The following C1GALT1 variants were observed in gnomAD, a reference collection of about 807,000 sequenced individuals.
C1GALT1 encodes glycoprotein-N-acetylgalactosamine 3-beta-galactosyltransferase 1.
Under a neutral mutation model 31.0 loss-of-function variants are expected in C1GALT1, and 11 were observed. The ratio of observed to expected loss-of-function variants is 0.36; its 90% CI spans 0.22 to 0.59. The LOEUF (loss-of-function observed/expected upper bound fraction) is 0.59. Among genes scored for constraint, C1GALT1 ranks in the 20% least tolerant of loss-of-function variants. The probability of loss-of-function intolerance (pLI) is 0.79; values close to 1 mark genes in which losing one functional copy is unlikely to be tolerated. For missense variants in C1GALT1, 424 were observed against 425.2 expected, an observed-to-expected ratio of 1.00 and a Z score of 0.03; for synonymous variants, 175 against 143.6, an observed-to-expected ratio of 1.22 and a Z score of -1.56.
chr7:7,202,839 G>A (rs1277746813), intron 1 of C1GALT1, among the ~76,000 whole-genome samples: 1 of 152,086 alleles, frequency 6.6e-6, no homozygotes, highest in Non-Finnish European at 1.5e-5. Flanking sequence ...ACAATATTAA[G>A]TTTTCTAATT....
chr7:7,231,789 CAAA>C (rs758639561), intron 1 of C1GALT1, among the ~76,000 whole-genome samples: 1 of 139,374 alleles, frequency 7.2e-6, no homozygotes, highest in Non-Finnish European at 1.6e-5. Flanking sequence ...TGTTGTATAC[CAAA>C]AAAAAAAAAG....
At chr7:7,213,795 A>G (rs1782112931) in intron 1 of C1GALT1, among the ~76,000 whole-genome samples, 1 of 152,218 alleles carries the variant, frequency 6.6e-6, no homozygotes, top group African/African-American at 2.4e-5. Context: ...CAAACCTTTT[A>G]TAACCTTTTT....
Position 7,238,405 on chromosome 7 carries a change from A to G in C1GALT1, c.371A>G (p.Glu124Gly). Residue 124 changes from glutamate to glycine, a missense_variant, in exon 3 of 4, where the codon GAA becomes GGA. Physicochemically the swap from Glu to Gly is moderately conservative, Grantham distance 98 (BLOSUM62 -2). Coordinates refer to ENST00000436587, the MANE Select transcript of C1GALT1 (RefSeq NM_020156.5). This position sits in a 1 kb window ranked among gnomAD's most constrained non-coding sequence, Gnocchi z 5.2. Reference protein sequence around the residue: ...RCNKVLFMSSEENKDFPAVGL... With the variant: ...RCNKVLFMSSGENKDFPAVGL... ...AACAAAGTGTTGTTTATGAGTTCAG[A>G]AGAAAATAAAGACTTCCCTGCTGTG... 1 of 1,614,098 alleles carries G rather than the reference A, an allele frequency of 6.2e-7. No homozygotes were observed. Among genetic ancestry groups the G allele is most frequent in the East Asian group, 2.2e-5 (1 of 44,868 alleles).
At chr7:7,200,424 T>A (rs998660928) in intron 1 of C1GALT1, among the ~76,000 whole-genome samples, 2 of 152,240 alleles carry the variant, frequency 1.3e-5, no homozygotes, top group African/African-American at 4.8e-5. Context: ...TTAGTCTGAT[T>A]GGCTTCCCTT....
At chr7:7,194,088 G>C (rs918225333) in intron 1 of C1GALT1, among the ~76,000 whole-genome samples, 2 of 151,952 alleles carry the variant, frequency 1.3e-5, no homozygotes, top group African/African-American at 4.8e-5. Flanking sequence ...AATCTTTAGG[G>C]TTTTCTTGGT....
intron 2 of C1GALT1, among the ~76,000 whole-genome samples, chr7:7,161,334 G>T (rs1780331739): frequency 6.6e-6 from 1 of 152,046 alleles, no homozygotes; most frequent in African/African-American, 2.4e-5. Flanking sequence ...TTACTTTAAA[G>T]GTAATTGCCC....
At position 7,159,172 on chromosome 7, in the gene C1GALT1, TTGTA is replaced by T. The variant is rs3062387; in HGVS notation, c.-18+1749_-18+1752del. 8.2e-3 allele frequency among the ~76,000 whole-genome samples: 1,248 copies of T among 152,222 alleles called. 24 individuals carry two copies. Among genetic ancestry groups the T allele is most frequent in the East Asian group, 0.039 (201 of 5,188 alleles). On this transcript the variant is annotated intron_variant, in intron 2 of 3. Coordinates refer to the C1GALT1 transcript ENST00000429911. The stretch of plus-strand genomic sequence containing the variant: ...AAAATCACAGCTGGGACTCAAATGA[TTGTA>T]TGCTTTTGGAGGTCAGAAACTGTCT...
chr7:7,238,562 A>G lies in C1GALT1; in HGVS notation c.528A>G (p.Leu176=). The change falls in exon 3 of 4, where the codon CTA becomes CTG. Residue 176 remains leucine (L), a synonymous_variant. Coordinates refer to ENST00000436587, the MANE Select transcript of C1GALT1 (RefSeq NM_020156.5). The surrounding 1 kb of genome is among the most constrained non-coding windows in gnomAD (Gnocchi z 5.2). ...LKADDDTYVI[L]DNLRWLLSKY... ...CAGATGATGACACGTATGTCATACT[A>G]GACAATTTGAGGTGGCTTCTTTCAA... 1 of 1,614,108 alleles carries G rather than the reference A, an allele frequency of 6.2e-7. No homozygotes were observed. Among genetic ancestry groups the G allele is most frequent in the African/African-American group, 1.3e-5 (1 of 75,050 alleles).
Position 7,182,701 on chromosome 7 carries a change from C to G in C1GALT1, c.-137C>G. Reference sequence around the variant, plus strand: ...GAATAATCTGGGCGGCAGCGGGCGGCCTCGGCTAGCGGCCACGAGCCACTT... The same window carrying G: ...GAATAATCTGGGCGGCAGCGGGCGGGCTCGGCTAGCGGCCACGAGCCACTT... On this transcript the variant is annotated 5_prime_UTR_variant, in exon 1 of 4. Transcript: ENST00000436587. 1.5e-6 allele frequency: 1 copy of G among 687,170 alleles called. No homozygotes were observed. Among genetic ancestry groups the G allele is most frequent in the Non-Finnish European group, 1.8e-6 (1 of 557,266 alleles). The allele number at this position is 687,170 out of a possible 1,614,324, so 42.6% of individuals were successfully genotyped here.
intron 1 of C1GALT1, among the ~76,000 whole-genome samples, chr7:7,184,215 C>T (rs1034283024): frequency 6.6e-6 from 1 of 152,224 alleles, no homozygotes; most frequent in East Asian, 1.9e-4. Context: ...AAACAGTTAA[C>T]TCTTCACCTT....
chr7:7,237,584 C>G (rs11771259), intron 2 of C1GALT1, among the ~76,000 whole-genome samples: 15,357 of 152,182 alleles, frequency 0.1, 975 homozygotes, highest in East Asian at 0.2. Flanking sequence ...CCATGTCTAC[C>G]ATTGTTCTCT....
At chr7:7,220,865 T>C (rs988743005) in intron 1 of C1GALT1, among the ~76,000 whole-genome samples, 30 of 152,342 alleles carry the variant, frequency 2.0e-4, no homozygotes, top group African/African-American at 7.2e-4. Flanking sequence ...TATAAAATTC[T>C]AGGTTGAAAA....
chr7:7,214,066 T>C (rs1157502243), intron 1 of C1GALT1, among the ~76,000 whole-genome samples: 3 of 152,190 alleles, frequency 2.0e-5, no homozygotes, highest in African/African-American at 7.2e-5. Flanking sequence ...TTATAACTAC[T>C]ATTAGCCATC....
At chr7:7,160,343 A>G (rs2128226280) in intron 2 of C1GALT1, among the ~76,000 whole-genome samples, 1 of 152,088 alleles carries the variant, frequency 6.6e-6, no homozygotes, top group African/African-American at 2.4e-5. Context: ...CCAACCCCTA[A>G]TCCCTGCCAT....
intron 1 of C1GALT1, among the ~76,000 whole-genome samples, chr7:7,226,889 TAACA>T (rs750637529): frequency 1.3e-5 from 2 of 152,170 alleles, no homozygotes; most frequent in Non-Finnish European, 2.9e-5. Context: ...TAAAAGCAGT[TAACA>T]AAAATTGGTT....
At chr7:7,173,666 G>T (rs1466563769) in intron 2 of C1GALT1, among the ~76,000 whole-genome samples, 1 of 152,160 alleles carries the variant, frequency 6.6e-6, no homozygotes, top group East Asian at 1.9e-4. Context: ...ACTTTGGGAG[G>T]CCAAGGCAGC....
chr7:7,202,340 A>G (rs1179757613), intron 1 of C1GALT1, among the ~76,000 whole-genome samples: 1 of 152,002 alleles, frequency 6.6e-6, no homozygotes, highest in African/African-American at 2.4e-5. Context: ...TCTGAGTGGG[A>G]GCTCCAAGTT....
chr7:7,206,676 C>CAAAA (rs33962259), intron 1 of C1GALT1, among the ~76,000 whole-genome samples: 1 of 114,596 alleles, frequency 8.7e-6, no homozygotes. Context: ...AACTCCGTCT[C>CAAAA]AAAAAAAAAA....
intron 2 of C1GALT1, among the ~76,000 whole-genome samples, chr7:7,171,310 T>A (rs1046866693): frequency 1.3e-5 from 2 of 152,148 alleles, no homozygotes; most frequent in South Asian, 2.1e-4. Context: ...TTTATAATTA[T>A]GATAACTTTT....
Sources: allele counts gnomAD v4.1 joint callset (sites outside exome capture counted in the v4.1 genomes callset), GRCh38; gene constraint gnomAD v4.1.1; non-coding constraint Gnocchi (gnomAD v3.1); transcripts MANE v1.5; gene names NCBI Gene and HGNC (gene_info 2026-07-23, HGNC 2026-07-21).